The following SAMD5 variants were observed in gnomAD, a reference collection of about 807,000 sequenced individuals.
The protein encoded by SAMD5 is sterile alpha motif domain-containing protein 5.
Under a neutral mutation model 11.3 loss-of-function variants are expected in SAMD5, and 13 were observed. The observed-to-expected ratio is 1.15, with a 90% confidence interval of 0.75 to 1.83. The LOEUF (loss-of-function observed/expected upper bound fraction) is 1.83, where lower values mean the gene tolerates loss of function less well. Ranked by LOEUF, SAMD5 falls within the 40% of genes most tolerant of loss-of-function variation. SAMD5 has a pLI of 0.00. For missense variants in SAMD5, 255 were observed against 239.1 expected, an observed-to-expected ratio of 1.07 and a Z score of -0.44; for synonymous variants, 129 against 111.3, an observed-to-expected ratio of 1.16 and a Z score of -1.00.
At chr6:147,804,312 A>T in the SAMD5 span, among the ~76,000 whole-genome samples, 2 of 151,780 alleles carry the variant, frequency 1.3e-5, no homozygotes, top group Non-Finnish European at 2.9e-5. Context: ...GGGTTTCACC[A>T]TGTTGGCCAG....
intron 1 of SAMD5, among the ~76,000 whole-genome samples, chr6:147,560,283 G>A (rs1318190649): frequency 3.3e-5 from 5 of 152,114 alleles, no homozygotes; most frequent in Non-Finnish European, 7.4e-5. Flanking sequence ...CTGAATGTTG[G>A]AAAACTGAAG....
At position 147,666,316 on chromosome 6, in the gene SAMD5, G is replaced by GT. The variant is rs1226437312; in HGVS notation, c.163-71000dup. ...CTGACTTAAAAGATGTGTATCGGAT[G>GT]TATTTGTACCAGTTTATTGCAATGT... On this transcript the variant is annotated intron_variant, in intron 1 of 1. Coordinates refer to the SAMD5 transcript ENST00000566741. 2.0e-5 allele frequency among the ~76,000 whole-genome samples: 3 copies of GT among 152,086 alleles called. No homozygotes were observed. The East Asian group carries it at 5.8e-4, about 29-fold the overall frequency.
chr6:147,561,709 T>G (rs702339), intron 1 of SAMD5, among the ~76,000 whole-genome samples: 110,264 of 152,056 alleles, frequency 0.73, 40,945 homozygotes, highest in East Asian at 0.97. Flanking sequence ...AGCTCTGTAA[T>G]AGTTGTCTTC....
rs1162382949 is a variant in SAMD5, at chr6:147,672,892, A to G, written c.163-64425A>G. ...TATTTATTTTAAACCAAAAGCCACT[A>G]TTTACATTGTTGTAACTGTTTAACA... On this transcript the variant is annotated intron_variant, in intron 1 of 1. Coordinates refer to the SAMD5 transcript ENST00000566741. Among the ~76,000 whole-genome samples the G allele has an allele frequency of 2.6e-5, 4 of 152,224 alleles. No individual in the cohort carries two copies. The East Asian group carries it at 7.7e-4, about 29-fold the overall frequency.
chr6:147,887,886 T>C, the SAMD5 span, among the ~76,000 whole-genome samples: 6 of 152,344 alleles, frequency 3.9e-5, no homozygotes, highest in South Asian at 2.1e-4. Flanking sequence ...TGATATCTCA[T>C]TGCGATTTTA....
chr6:147,888,106 T>G, the SAMD5 span, among the ~76,000 whole-genome samples: 1 of 152,178 alleles, frequency 6.6e-6, no homozygotes, highest in Non-Finnish European at 1.5e-5. Flanking sequence ...GAGAGTTGTC[T>G]TTTTATTCTC....
the SAMD5 span, among the ~76,000 whole-genome samples, chr6:147,873,387 A>C: frequency 6.6e-6 from 1 of 152,124 alleles, no homozygotes; most frequent in East Asian, 1.9e-4. Flanking sequence ...AAAAAAAAAA[A>C]AAAGTAATTT....
chr6:147,601,988 G>T (rs905718192), intron 1 of SAMD5, among the ~76,000 whole-genome samples: 1 of 152,236 alleles, frequency 6.6e-6, no homozygotes, highest in African/African-American at 2.4e-5. Flanking sequence ...AGAGTTGGAA[G>T]AGACCTCCGA....
At chr6:147,663,148 G>A (rs962692849) in intron 1 of SAMD5, among the ~76,000 whole-genome samples, 2 of 152,138 alleles carry the variant, frequency 1.3e-5, no homozygotes, top group African/African-American at 4.8e-5. Context: ...ATTAATAATA[G>A]TATTGCATTT....
the SAMD5 span, among the ~76,000 whole-genome samples, chr6:147,936,708 A>T: frequency 6.6e-6 from 1 of 152,224 alleles, no homozygotes; most frequent in South Asian, 2.1e-4. Context: ...TAACAGAATC[A>T]CAAGCAAAGA....
At chr6:147,672,492 G>T (rs368428639) in intron 1 of SAMD5, among the ~76,000 whole-genome samples, 4 of 152,062 alleles carry the variant, frequency 2.6e-5, no homozygotes, top group African/African-American at 9.7e-5. Context: ...ATGTTAGTGC[G>T]TGGGGATGTA....
At chr6:147,577,975 G>C (rs965027816) in intron 1 of SAMD5, among the ~76,000 whole-genome samples, 4 of 152,062 alleles carry the variant, frequency 2.6e-5, no homozygotes, top group Non-Finnish European at 5.9e-5. Context: ...TATTACAAAA[G>C]TTCAGTCTAC....
chr6:147,798,675 G>T, the SAMD5 span, among the ~76,000 whole-genome samples: 2 of 152,040 alleles, frequency 1.3e-5, no homozygotes, highest in African/African-American at 2.4e-5. Context: ...GGGTGTTAAA[G>T]TCTCCCATTA....
intron 1 of SAMD5, among the ~76,000 whole-genome samples, chr6:147,595,608 C>T (rs1224742279): frequency 6.7e-6 from 1 of 149,568 alleles, no homozygotes; most frequent in Non-Finnish European, 1.5e-5. Flanking sequence ...CTCACTGCAA[C>T]CTCCACCTCC....
the SAMD5 span, among the ~76,000 whole-genome samples, chr6:147,826,866 T>C: frequency 1.3e-5 from 2 of 152,184 alleles, no homozygotes; most frequent in Non-Finnish European, 2.9e-5. Context: ...TAGGCTAGCA[T>C]GTCACTGTTC....
the SAMD5 span, among the ~76,000 whole-genome samples, chr6:147,804,773 A>G: frequency 6.6e-6 from 1 of 152,220 alleles, no homozygotes; most frequent in Non-Finnish European, 1.5e-5. Flanking sequence ...AGAGCTTAAA[A>G]TGATTGGCTG....
At chr6:147,792,691 A>G in the SAMD5 span, among the ~76,000 whole-genome samples, 5 of 152,180 alleles carry the variant, frequency 3.3e-5, no homozygotes, top group Admixed American at 2.6e-4. Flanking sequence ...CAGGAAATAT[A>G]CAAGATGAGC....
chr6:147,582,379 A>G (rs569428436), intron 1 of SAMD5, among the ~76,000 whole-genome samples: 1 of 152,200 alleles, frequency 6.6e-6, no homozygotes, highest in Non-Finnish European at 1.5e-5. Context: ...AGATAAGTTA[A>G]TAGGCTCAGG....
At chr6:147,897,329 G>A in the SAMD5 span, among the ~76,000 whole-genome samples, 2 of 152,120 alleles carry the variant, frequency 1.3e-5, no homozygotes, top group Non-Finnish European at 2.9e-5. Flanking sequence ...GACAGCAGGC[G>A]ATCCTTCTTG....
Sources: gnomAD v4.1 joint callset for allele counts (sites outside exome capture counted in the v4.1 genomes callset) on GRCh38, gnomAD v4.1.1 for gene constraint, MANE v1.5 for transcripts, NCBI Gene and HGNC (gene_info 2026-07-23, HGNC 2026-07-21) for gene names.